Variants in MRPL13 observed in about 807,000 individuals in gnomAD.
MRPL13 encodes large ribosomal subunit protein uL13m.
In MRPL13, 33 loss-of-function variants were observed where a neutral mutation model predicts 29.0. That is an observed-to-expected ratio of 1.14 (90% confidence interval 0.86 to 1.52). The LOEUF is 1.52. Among genes scored for constraint, MRPL13 ranks in the 40% most tolerant of loss-of-function variants. The pLI is 0.00. For missense variants in MRPL13, 227 were observed against 216.7 expected (o/e 1.05, Z -0.30); for synonymous variants, 77 against 68.4 (o/e 1.13, Z -0.62).
At chr8:120,416,411 G>A (rs368849444) in intron 5 of MRPL13, among the ~76,000 whole-genome samples, 2 of 152,178 alleles carry the variant, frequency 1.3e-5, no homozygotes, top group South Asian at 2.1e-4. Flanking sequence ...GGAGAATGGC[G>A]TGAACCTAGG....
At chr8:120,416,991 T>C (rs994768059) in intron 5 of MRPL13, among the ~76,000 whole-genome samples, 2 of 152,208 alleles carry the variant, frequency 1.3e-5, no homozygotes, top group African/African-American at 4.8e-5. Context: ...ATGCATTTAG[T>C]TACTATATTA....
intron 4 of MRPL13, among the ~76,000 whole-genome samples, chr8:120,425,017 A>G (rs1812916179): frequency 6.6e-6 from 1 of 152,124 alleles, no homozygotes; most frequent in African/African-American, 2.4e-5. Context: ...CCTTTCCAAG[A>G]CATTTCAGCA....
chr8:120,417,219 C>T (rs1812814276), intron 5 of MRPL13, among the ~76,000 whole-genome samples: 1 of 152,192 alleles, frequency 6.6e-6, no homozygotes, highest in Non-Finnish European at 1.5e-5. Flanking sequence ...CACCTGATGT[C>T]AGTTTTTCCC....
At chr8:120,398,338 G>T (rs1207833049) in intron 6 of MRPL13, among the ~76,000 whole-genome samples, 1 of 152,086 alleles carries the variant, frequency 6.6e-6, no homozygotes, top group Non-Finnish European at 1.5e-5. Flanking sequence ...GATACCTCCA[G>T]GTAAGGTAAA....
chr8:120,414,892 G>A (rs1812786797), intron 5 of MRPL13: 1 of 152,164 alleles, frequency 6.6e-6, no homozygotes, highest in African/African-American at 2.4e-5. Flanking sequence ...TTGGAAGATT[G>A]ACCTGCCAAC....
chr8:120,431,972 T>C, intron 3 of MRPL13, 58 bp downstream of exon 3: 1 of 1,210,830 alleles, frequency 8.3e-7, no homozygotes, highest in East Asian at 2.5e-5. Flanking sequence ...AGAACAACTG[T>C]ATTCTTAAAG....
At chr8:120,439,077 C>T (rs751245675) in intron 2 of MRPL13, among the ~76,000 whole-genome samples, 1 of 152,216 alleles carries the variant, frequency 6.6e-6, no homozygotes, top group Non-Finnish European at 1.5e-5. Flanking sequence ...AATCAATACT[C>T]ATAGTGCTTT....
At chr8:120,401,051 G>C (rs1812590154) in intron 6 of MRPL13, among the ~76,000 whole-genome samples, 1 of 152,016 alleles carries the variant, frequency 6.6e-6, no homozygotes, top group South Asian at 2.1e-4. Flanking sequence ...GACAGATTTA[G>C]AGCTGAATTT....
chr8:120,424,311 A>G (rs1812906937), intron 4 of MRPL13, among the ~76,000 whole-genome samples: 1 of 152,112 alleles, frequency 6.6e-6, no homozygotes, highest in East Asian at 1.9e-4. Context: ...TAAGGCAAAA[A>G]TTGACAGGAA....
intron 2 of MRPL13, among the ~76,000 whole-genome samples, chr8:120,434,949 G>C (rs1354102762): frequency 6.6e-6 from 1 of 152,036 alleles, no homozygotes; most frequent in Non-Finnish European, 1.5e-5. Context: ...CCCTCACATA[G>C]AGTTATCAGA....
In MRPL13 at chr8:120,439,368, T is replaced by G. The variant is rs1813090803; in HGVS notation, c.151+3817A>C. 3.3e-5 allele frequency among the ~76,000 whole-genome samples: 5 copies of G among 152,350 alleles called. No individual in the cohort carries two copies. In the South Asian group the frequency reaches 1.0e-3, roughly 32 times the overall value. Reference sequence around the variant, plus strand: ...GTGTTGTTGCCTTATAGAGATAATATGTGTGTTAGATAAGCTTGTTATTAT... The same window carrying G: ...GTGTTGTTGCCTTATAGAGATAATAGGTGTGTTAGATAAGCTTGTTATTAT... On this transcript the variant is annotated intron_variant, in intron 2 of 6. Transcript: ENST00000306185.
chr8:120,407,338 G>A (rs1210907454), intron 6 of MRPL13, among the ~76,000 whole-genome samples: 1 of 152,106 alleles, frequency 6.6e-6, no homozygotes, highest in Non-Finnish European at 1.5e-5. Flanking sequence ...AAGTTATGAA[G>A]CACATGGTTT....
At chr8:120,441,009 GT>G (rs1024125135) in intron 2 of MRPL13, among the ~76,000 whole-genome samples, 2 of 152,090 alleles carry the variant, frequency 1.3e-5, no homozygotes, top group African/African-American at 4.8e-5. Context: ...AAATATGTGT[GT>G]GTGTGTGTGT....
chr8:120,432,119 G>A lies in MRPL13; in HGVS notation c.156C>T (p.Asp52=). 1 of 1,572,908 alleles carries A rather than the reference G, an allele frequency of 6.4e-7. No individual in the cohort carries two copies. ...TCATTATAACAACATGATCCCCACAGTCACCTACATTTTAAAAAGAAACAA... is the reference window on the plus strand; with the variant it reads ...TCATTATAACAACATGATCCCCACAATCACCTACATTTTAAAAAGAAACAA... The part of the protein sequence containing the change: ...LHKPVYHALS[D]CGDHVVIMNT... Residue 52 remains aspartate (D), a synonymous_variant, in exon 3 of 7, where the codon GAC becomes GAT. Coordinates refer to ENST00000306185, the MANE Select transcript of MRPL13 (RefSeq NM_014078.6).
intron 2 of MRPL13, among the ~76,000 whole-genome samples, chr8:120,432,713 A>G (rs1813008890): frequency 6.6e-6 from 1 of 152,138 alleles, no homozygotes; most frequent in East Asian, 1.9e-4. Flanking sequence ...AACTATGACT[A>G]CGTAAATATA....
At chr8:120,424,256 C>T (rs906648045) in intron 4 of MRPL13, among the ~76,000 whole-genome samples, 4 of 151,946 alleles carry the variant, frequency 2.6e-5, no homozygotes, top group Non-Finnish European at 5.9e-5. Flanking sequence ...AGAAAGATTC[C>T]AATTCCAATC....
At chr8:120,441,501 T>C (rs1813123462) in intron 2 of MRPL13, among the ~76,000 whole-genome samples, 1 of 152,046 alleles carries the variant, frequency 6.6e-6, no homozygotes, top group Non-Finnish European at 1.5e-5. Context: ...GGGAAACAAG[T>C]GAATCCAGGG....
intron 3 of MRPL13, among the ~76,000 whole-genome samples, chr8:120,426,990 C>T (rs186983701): frequency 2.0e-5 from 3 of 152,006 alleles, no homozygotes; most frequent in Admixed American, 6.6e-5. Flanking sequence ...CAACCAACCC[C>T]TAAAAAATTA....
chr8:120,412,553 C>T (rs1214971851), intron 6 of MRPL13, among the ~76,000 whole-genome samples: 1 of 152,106 alleles, frequency 6.6e-6, no homozygotes, highest in Non-Finnish European at 1.5e-5. Flanking sequence ...GTTATAGAGT[C>T]AGCTACTATA....
Sources: allele counts gnomAD v4.1 joint callset (sites outside exome capture counted in the v4.1 genomes callset), GRCh38; gene constraint gnomAD v4.1.1; transcripts MANE v1.5; gene names NCBI Gene and HGNC (gene_info 2026-07-23, HGNC 2026-07-21).